NTRK1: variants seen among roughly 807,000 people sequenced by gnomAD.
NTRK1 encodes the protein neurotrophic receptor tyrosine kinase 1.
Under a neutral mutation model 86.8 loss-of-function variants are expected in NTRK1, and 62 were observed. That is an observed-to-expected ratio of 0.71 (90% CI 0.58 to 0.88). The LOEUF (loss-of-function observed/expected upper bound fraction) is 0.88. NTRK1 is among the 40% of genes least tolerant of loss of function. The pLI is 0.00. For missense variants in NTRK1, 967 were observed against 1,078.4 expected (o/e 0.90, Z 1.45); for synonymous variants, 469 against 456.6 (o/e 1.03, Z -0.35).
chr1:156,853,982 C>G (rs373077572), intron 2 of NTRK1: 12 of 1,613,336 alleles, frequency 7.4e-6, no homozygotes, highest in Non-Finnish European at 1.0e-5. Context: ...CACAGCCCCA[C>G]GCAGCACGGC....
intron 1 of NTRK1, among the ~76,000 whole-genome samples, chr1:156,834,803 T>C (rs1455124919): frequency 1.8e-5 from 2 of 111,580 alleles, no homozygotes; most frequent in Non-Finnish European, 4.1e-5. Context: ...GATTCAGGAA[T>C]GGGCCGGGGA....
At chr1:156,832,663 G>C (rs1654495000) in intron 1 of NTRK1, among the ~76,000 whole-genome samples, 4 of 152,328 alleles carry the variant, frequency 2.6e-5, no homozygotes, top group African/African-American at 7.2e-5. Flanking sequence ...AGGCTCGAGA[G>C]ATGAAGCCTA....
chr1:156,858,697 A>T (rs968067918), upstream of NTRK1: 1 of 1,224,944 alleles, frequency 8.2e-7, no homozygotes, highest in African/African-American at 1.5e-5. Context: ...ATAAGCCCTA[A>T]GGGACACAGA....
In NTRK1 at chr1:156,873,695, G is replaced by A. The variant is rs374365794; in HGVS notation, c.913G>A (p.Val305Met). Reference protein sequence around the residue: ...EMHHWCIPFSVDGQPAPSLRW... With the variant: ...EMHHWCIPFSMDGQPAPSLRW... ...GCACCACTGGTGCATCCCCTTCTCT[G>A]TGGATGGGCAGCCGGCACCGTCTCT... The change falls in exon 8 of 17, where the codon GTG becomes ATG. Residue 305 changes from valine to methionine, a missense_variant. Transcript: ENST00000524377. 6.2e-7 allele frequency: 1 copy of A among 1,611,612 alleles called. No homozygotes were observed. The highest frequency in any genetic ancestry group is 8.5e-7 in the Non-Finnish European group (1 of 1,179,520).
At chr1:156,855,403 C>T (rs1371694234) in intron 2 of NTRK1, among the ~76,000 whole-genome samples, 8 of 152,152 alleles carry the variant, frequency 5.3e-5, no homozygotes, top group African/African-American at 1.9e-4. Context: ...CAAGGTTTTA[C>T]CATGGTGGCC....
chr1:156,849,399 C>G, intron 2 of NTRK1: 1 of 1,611,388 alleles, frequency 6.2e-7, no homozygotes, highest in Non-Finnish European at 8.5e-7. Context: ...GTGAGCCCCG[C>G]GGCCACCCAG....
intron 2 of NTRK1, chr1:156,851,733 T>G: frequency 6.2e-7 from 1 of 1,614,204 alleles, no homozygotes; most frequent in South Asian, 1.1e-5. Flanking sequence ...TCGATGGTCT[T>G]GGTGCCTACC....
chr1:156,866,768 T>C, intron 3 of NTRK1, 142 bp from the exon 4 acceptor site: 1 of 671,276 alleles, frequency 1.5e-6, no homozygotes, highest in Non-Finnish European at 2.6e-6. Flanking sequence ...CACACTGCCT[T>C]CCAGGGCTGG....
In NTRK1 at chr1:156,880,036, C is replaced by T. The variant is rs121964868; in HGVS notation, c.2084C>T (p.Pro695Leu). The T allele has an allele frequency of 1.2e-5, 19 of 1,613,538 alleles. No homozygotes were observed. Among genetic ancestry groups the T allele is most frequent in the Non-Finnish European group, 1.4e-5 (17 of 1,179,994 alleles). The change falls in exon 16 of 17, where the codon CCG (proline) becomes CTG (leucine). Residue 695 changes from proline to leucine, a missense_variant. This residue lies in a region of NTRK1 where 637 missense variants were observed against 776.5 expected (regional missense o/e 0.82). Coordinates refer to ENST00000524377, the MANE Select transcript of NTRK1 (RefSeq NM_002529.4). ...GRTMLPIRWM[P>L]PESILYRKFT... is the part of the protein sequence containing the mutation. ...ACCATGCTGCCCATTCGCTGGATGC[C>T]GCCCGAGAGCATCCTGTACCGTAAG...
At chr1:156,847,331 G>A (rs1245358767) in intron 2 of NTRK1, among the ~76,000 whole-genome samples, 1 of 152,200 alleles carries the variant, frequency 6.6e-6, no homozygotes, top group Non-Finnish European at 1.5e-5. Flanking sequence ...GAAATTAAGG[G>A]GCCAGAGGCA....
chr1:156,866,373 G>T (rs1234177130), intron 3 of NTRK1, among the ~76,000 whole-genome samples: 1 of 152,212 alleles, frequency 6.6e-6, no homozygotes, highest in Non-Finnish European at 1.5e-5. Context: ...GGGGCTGGGG[G>T]TGTGGGGGTG....
In NTRK1 at chr1:156,854,500, C is replaced by A. The variant is rs944390837; in HGVS notation, c.51-9854C>A. 6.6e-6 allele frequency among the ~76,000 whole-genome samples: 1 copy of A among 152,106 alleles called. No homozygotes were observed. Among genetic ancestry groups the A allele is most frequent in the Non-Finnish European group, 1.5e-5 (1 of 68,022 alleles). ...GCCTGCAGGGTCTCTACCAGATGAG[C>A]CACACAGGCAAAAATGAACTCCTGA... On this transcript the variant is annotated intron_variant, in intron 2 of 16. Transcript: ENST00000392302. This position sits in a 1 kb window ranked among gnomAD's most constrained non-coding sequence, Gnocchi z 4.2.
At chr1:156,828,174 A>G (rs1417714551) in intron 1 of NTRK1, among the ~76,000 whole-genome samples, 1 of 152,204 alleles carries the variant, frequency 6.6e-6, no homozygotes, top group Admixed American at 6.5e-5. Context: ...TATTACTGAT[A>G]TTGATAAATT....
intron 2 of NTRK1, among the ~76,000 whole-genome samples, chr1:156,853,556 A>G (rs2102869332): frequency 6.6e-6 from 1 of 152,114 alleles, no homozygotes. Context: ...CCTTGGGCCT[A>G]CCCCTTAGCT....
In NTRK1 at chr1:156,854,257, C is replaced by A; in HGVS notation, c.51-10097C>A. The A allele has an allele frequency of 6.2e-7, 1 of 1,613,638 alleles. No individual in the cohort carries two copies. Among genetic ancestry groups the A allele is most frequent in the South Asian group, 1.1e-5 (1 of 91,070 alleles). On this transcript the variant is annotated intron_variant, in intron 2 of 16. Transcript: ENST00000392302. The surrounding 1 kb of genome is among the most constrained non-coding windows in gnomAD (Gnocchi z 4.2). Reference sequence around the variant, plus strand: ...CCTCCACCACGCTGCAGTTCTCCAGCTGACGAAGCTCTGCCACCTCTGAGC... The same window carrying A: ...CCTCCACCACGCTGCAGTTCTCCAGATGACGAAGCTCTGCCACCTCTGAGC...
In NTRK1 at chr1:156,868,220, C is replaced by A. The variant is rs1472037388; in HGVS notation, c.545C>A (p.Pro182His). The A allele has an allele frequency of 6.2e-7, 1 of 1,611,968 alleles. No individual in the cohort carries two copies. The highest frequency in any genetic ancestry group is 8.5e-7 in the Non-Finnish European group (1 of 1,180,020). Reference protein sequence around the residue: ...EQKLQCHGQGPLAHMPNASCG... With the variant: ...EQKLQCHGQGHLAHMPNASCG... ...AAGCTGCAGTGTCATGGGCAAGGGC[C>A]CCTGGCCCACATGCCCAATGCCAGC... The change falls in exon 5 of 17, where the codon CCC (proline) becomes CAC (histidine). Residue 182 changes from proline (P) to histidine (H), a missense_variant. Transcript: ENST00000524377.
In NTRK1 at chr1:156,841,541, A is replaced by G. The variant is rs760117540; in HGVS notation, c.-63-540A>G. On this transcript the variant is annotated intron_variant, in intron 1 of 16. Coordinates refer to the NTRK1 transcript ENST00000392302. ...CACGCCAAAGGACCTGGGGGCATGC[A>G]GGAGCTCCTGAGCCCAGCACCCTTC... The G allele has an allele frequency of 2.5e-6, 4 of 1,613,820 alleles. No individual in the cohort carries two copies. The African/African-American group carries it at 5.3e-5, about 22-fold the overall frequency.
chr1:156,874,610 A>G lies in NTRK1; in HGVS notation c.1235A>G (p.Asp412Gly). The G allele has an allele frequency of 6.2e-7, 1 of 1,614,074 alleles. No individual in the cohort carries two copies. The highest frequency in any genetic ancestry group is 8.5e-7 in the Non-Finnish European group (1 of 1,179,966). The part of the protein sequence containing the change: ...STSGDPVEKK[D>G]ETPFGVSVAV... The stretch of plus-strand genomic sequence containing the variant: ...TCTGGAGACCCGGTGGAGAAGAAGG[A>G]CGAAACACCTTTTGGGGTGAGATAG... The change falls in exon 10 of 17, where the codon GAC becomes GGC. Residue 412 changes from aspartate to glycine, a missense_variant. Asp to Gly is a moderately conservative substitution (Grantham distance 94, BLOSUM62 -1). Around this residue, in one of 2 missense-constraint regions of NTRK1, gnomAD observed 637 missense variants for 776.5 expected, o/e 0.82. Coordinates refer to ENST00000524377, the MANE Select transcript of NTRK1 (RefSeq NM_002529.4).
Position 156,854,595 on chromosome 1 carries a change from G to T in NTRK1, c.51-9759G>T, listed in dbSNP as rs1021229102. ...TCATTCTTGCAGTCAGGCTCCCAAC[G>T]ACTGCAAGCGACTCCCAGCGACTTC... On this transcript the variant is annotated intron_variant, in intron 2 of 16. Transcript: ENST00000392302. This position sits in a 1 kb window ranked among gnomAD's most constrained non-coding sequence, Gnocchi z 4.2. 3.6e-4 allele frequency among the ~76,000 whole-genome samples: 55 copies of T among 152,040 alleles called. 1 individual carries two copies. Among genetic ancestry groups the T allele is most frequent in the African/African-American group, 1.3e-3 (54 of 41,388 alleles).
Sources: allele counts gnomAD v4.1 joint callset (sites outside exome capture counted in the v4.1 genomes callset), GRCh38; gene constraint gnomAD v4.1.1; regional missense constraint gnomAD v4.1.1; non-coding constraint Gnocchi (gnomAD v3.1); transcripts MANE v1.5; gene names NCBI Gene and HGNC (gene_info 2026-07-23, HGNC 2026-07-21).